Variants in LRP1B observed in about 807,000 individuals in gnomAD.
The protein encoded by LRP1B is LDL receptor related protein 1B.
A neutral mutation model predicts 556.6 loss-of-function variants in LRP1B; 217 were observed. The observed-to-expected ratio is 0.39, with a 90% CI of 0.35 to 0.44. The LOEUF is 0.44. Ranked by LOEUF, LRP1B falls within the 20% of genes least tolerant of loss-of-function variation. The pLI is 1.00. For synonymous variants in LRP1B, 2,047 were observed against 1,865.8 expected (o/e 1.10, Z -2.50); for missense variants, 5,053 against 5,620.8 (o/e 0.90, Z 3.23).
intron 31 of LRP1B, among the ~76,000 whole-genome samples, chr2:140,837,771 C>T (rs2105090152): frequency 6.7e-6 from 1 of 149,418 alleles, no homozygotes; most frequent in Non-Finnish European, 1.5e-5. Flanking sequence ...AGGGGAACAT[C>T]ACACACCACC....
intron 7 of LRP1B, among the ~76,000 whole-genome samples, chr2:141,116,659 G>GA (rs1020740860): frequency 9.2e-5 from 14 of 151,936 alleles, no homozygotes; most frequent in Non-Finnish European, 5.9e-5. Flanking sequence ...TTTTATAATA[G>GA]AAAAAATTGA....
At chr2:141,183,268 C>G (rs1473069228) in intron 7 of LRP1B, among the ~76,000 whole-genome samples, 1 of 152,012 alleles carries the variant, frequency 6.6e-6, no homozygotes, top group Non-Finnish European at 1.5e-5. Context: ...GCTAACTACT[C>G]CAAAGATCTC....
At chr2:141,571,011 T>C (rs1686508044) in intron 2 of LRP1B, among the ~76,000 whole-genome samples, 1 of 151,048 alleles carries the variant, frequency 6.6e-6, no homozygotes, top group African/African-American at 2.4e-5. Flanking sequence ...CCCAGACGAG[T>C]GGGTTTCCCT....
At chr2:141,598,869 A>T (rs1418848409) in intron 2 of LRP1B, among the ~76,000 whole-genome samples, 5 of 152,082 alleles carry the variant, frequency 3.3e-5, no homozygotes, top group Non-Finnish European at 2.9e-5. Context: ...AAAGAAGGTG[A>T]AAAGCGGTGG....
chr2:141,289,504 T>C (rs1685861872), intron 3 of LRP1B, among the ~76,000 whole-genome samples: 1 of 152,054 alleles, frequency 6.6e-6, no homozygotes. Context: ...ACTGTCATTA[T>C]TTACATTTAT....
chr2:141,485,998 G>A (rs992998224), intron 2 of LRP1B, among the ~76,000 whole-genome samples: 1 of 152,056 alleles, frequency 6.6e-6, no homozygotes, highest in Non-Finnish European at 1.5e-5. Context: ...AGGTAGTGTA[G>A]GACAAATTTC....
Position 140,918,750 on chromosome 2 carries a change from G to C in LRP1B, c.3319+4215C>G, listed in dbSNP as rs188196908. Among the ~76,000 whole-genome samples the C allele has an allele frequency of 1.8e-4, 28 of 152,132 alleles. No homozygotes were observed. In the South Asian group the frequency reaches 5.6e-3, roughly 30 times the overall value. On this transcript the variant is annotated intron_variant, in intron 21 of 90. Transcript: ENST00000389484. ...GGAGGTTTGGGAGGTAATCAGTTAC[G>C]AGAGTAGAGTTGGCATATCATAAGA...
rs941996133 is a variant in LRP1B, at chr2:140,868,141, G to T, written c.4292C>A (p.Thr1431Asn). The change falls in exon 26 of 91, where the codon ACT becomes AAT. Residue 1431 changes from threonine (T) to asparagine (N), a missense_variant. Coordinates refer to ENST00000389484, the MANE Select transcript of LRP1B (RefSeq NM_018557.3). ...MKTGAWPNGL[T>N]VDHFEKRIVW... ...TATCCTTTTCTCAAAGTGGTCCACA[G>T]TTAGTCCATTAGGCCAAGCCCCAGT... 1.2e-6 allele frequency: 2 copies of T among 1,610,910 alleles called. No individual in the cohort carries two copies. The highest frequency in any genetic ancestry group is 1.7e-6 in the Non-Finnish European group (2 of 1,178,552).
intron 27 of LRP1B, among the ~76,000 whole-genome samples, chr2:140,866,339 C>A (rs1219747835): frequency 6.6e-6 from 1 of 152,060 alleles, no homozygotes; most frequent in Non-Finnish European, 1.5e-5. Context: ...AGAATAATAA[C>A]TTCTTGCCTT....
At chr2:140,670,728 A>T (rs1463803912) in intron 41 of LRP1B, among the ~76,000 whole-genome samples, 1 of 152,224 alleles carries the variant, frequency 6.6e-6, no homozygotes, top group Non-Finnish European at 1.5e-5. Flanking sequence ...CCAGGCAAAG[A>T]GAATCCCTAG....
chr2:140,414,522 GGTTTTGT>G (rs1685098879), intron 66 of LRP1B, among the ~76,000 whole-genome samples: 1 of 152,060 alleles, frequency 6.6e-6, no homozygotes, highest in African/African-American at 2.4e-5. Flanking sequence ...TGCCTCTATG[GGTTTTGT>G]GTTTTGTGGG....
chr2:141,554,601 T>C (rs956380052), intron 2 of LRP1B, among the ~76,000 whole-genome samples: 2 of 151,906 alleles, frequency 1.3e-5, no homozygotes, highest in African/African-American at 2.4e-5. Context: ...AGGAACACTG[T>C]AAATCAAAGA....
At chr2:141,234,818 A>G (rs1264744196) in intron 5 of LRP1B, among the ~76,000 whole-genome samples, 3 of 152,206 alleles carry the variant, frequency 2.0e-5, no homozygotes, top group Admixed American at 6.5e-5. Flanking sequence ...AAAGAAAGAG[A>G]AAGTATTACA....
intron 3 of LRP1B, among the ~76,000 whole-genome samples, chr2:141,391,317 G>T (rs1290896912): frequency 6.6e-6 from 1 of 152,004 alleles, no homozygotes; most frequent in East Asian, 1.9e-4. Context: ...ATGAGTGAAT[G>T]AAAAAATGAG....
chr2:141,154,028 T>C lies in LRP1B; in HGVS notation c.1013+34393A>G, dbSNP rs562963211. On this transcript the variant is annotated intron_variant, in intron 7 of 90. Coordinates refer to ENST00000389484, the MANE Select transcript of LRP1B (RefSeq NM_018557.3). Reference sequence around the variant, plus strand: ...ATACAATTATGTTGCAGAGACAAGCTAGAATGGAAATGAGGAGAGAGGTCT... The same window carrying C: ...ATACAATTATGTTGCAGAGACAAGCCAGAATGGAAATGAGGAGAGAGGTCT... 2.4e-4 allele frequency among the ~76,000 whole-genome samples: 36 copies of C among 151,880 alleles called. No homozygotes were observed. The South Asian group carries it at 7.2e-3, about 31-fold the overall frequency.
intron 6 of LRP1B, among the ~76,000 whole-genome samples, chr2:141,226,794 GT>G (rs1359835443): frequency 6.6e-6 from 1 of 152,132 alleles, no homozygotes; most frequent in Non-Finnish European, 1.5e-5. Flanking sequence ...TCTGTGACAT[GT>G]TGATAAAATG....
chr2:142,057,178 G>T (rs1294248164), intron 1 of LRP1B, among the ~76,000 whole-genome samples: 1 of 152,032 alleles, frequency 6.6e-6, no homozygotes, highest in East Asian at 1.9e-4. Flanking sequence ...ACTATTTATT[G>T]CCTCATATAC....
chr2:141,433,023 A>G (rs906836754), intron 3 of LRP1B, among the ~76,000 whole-genome samples: 1 of 152,006 alleles, frequency 6.6e-6, no homozygotes, highest in African/African-American at 2.4e-5. Flanking sequence ...AATATTGTAT[A>G]GGTATATACA....
chr2:140,900,377 T>C (rs1033449316), intron 23 of LRP1B, among the ~76,000 whole-genome samples: 1 of 152,214 alleles, frequency 6.6e-6, no homozygotes, highest in Non-Finnish European at 1.5e-5. Flanking sequence ...TCAAAACACA[T>C]AGGTGAATGA....
Sources: gnomAD v4.1 joint callset for allele counts (sites outside exome capture counted in the v4.1 genomes callset) on GRCh38, gnomAD v4.1.1 for gene constraint, MANE v1.5 for transcripts, NCBI Gene and HGNC (gene_info 2026-07-23, HGNC 2026-07-21) for gene names.